The following FSTL5 variants were observed in gnomAD, a reference collection of about 807,000 sequenced individuals.
FSTL5 encodes follistatin-related protein 5.
A neutral mutation model predicts 89.1 loss-of-function variants in FSTL5; 62 were observed. That is an observed-to-expected ratio of 0.70 (90% CI 0.57 to 0.86). The LOEUF is 0.86. Ranked by LOEUF, FSTL5 falls within the 40% of genes least tolerant of loss-of-function variation. FSTL5 has a pLI of 0.00. For synonymous variants in FSTL5, 383 were observed against 346.2 expected, an observed-to-expected ratio of 1.11 and a Z score of -1.18; for missense variants, 1,057 against 1,001.6, an observed-to-expected ratio of 1.06 and a Z score of -0.75.
chr4:161,877,586 G>A (rs994068258), intron 4 of FSTL5, among the ~76,000 whole-genome samples: 3 of 151,054 alleles, frequency 2.0e-5, no homozygotes, highest in Non-Finnish European at 4.4e-5. Flanking sequence ...CAGCACTTTG[G>A]GAGGCCGAGG....
chr4:161,851,807 GT>G lies in FSTL5; in HGVS notation c.409+68596del, dbSNP rs563862158. Among the ~76,000 whole-genome samples the G allele has an allele frequency of 1.3e-3, 195 of 150,970 alleles. 1 individual carries two copies. The highest frequency in any genetic ancestry group is 4.6e-3 in the African/African-American group (189 of 41,116). On this transcript the variant is annotated intron_variant, in intron 4 of 15. Coordinates refer to ENST00000306100, the MANE Select transcript of FSTL5 (RefSeq NM_020116.5). ...TTTGGCTTCTCTTAAAGTTATGTAA[GT>G]TAAGAATAATTTCAGTTTATTCTAC...
At chr4:161,537,942 C>G (rs1731682888) in intron 10 of FSTL5, among the ~76,000 whole-genome samples, 2 of 151,850 alleles carry the variant, frequency 1.3e-5, no homozygotes, top group Admixed American at 6.6e-5. Flanking sequence ...TGTACACTTG[C>G]AAAAAAATAA....
At chr4:161,965,828 T>A (rs1450894179) in intron 3 of FSTL5, among the ~76,000 whole-genome samples, 2 of 152,052 alleles carry the variant, frequency 1.3e-5, no homozygotes, top group Non-Finnish European at 2.9e-5. Context: ...GTTTTAGAAA[T>A]TCAACCAAAT....
intron 6 of FSTL5, among the ~76,000 whole-genome samples, chr4:161,657,916 C>G (rs1299347966): frequency 1.3e-5 from 2 of 152,120 alleles, no homozygotes; most frequent in African/African-American, 4.8e-5. Context: ...ATCTCTAAAC[C>G]TAAAGTCACG....
intron 3 of FSTL5, among the ~76,000 whole-genome samples, chr4:161,967,156 T>G (rs1248532959): frequency 6.6e-6 from 1 of 152,052 alleles, no homozygotes; most frequent in East Asian, 1.9e-4. Context: ...AAAATTTTAA[T>G]TTTAGTTTAG....
intron 15 of FSTL5, among the ~76,000 whole-genome samples, chr4:161,400,250 T>C (rs1215051470): frequency 6.6e-6 from 1 of 152,050 alleles, no homozygotes; most frequent in Non-Finnish European, 1.5e-5. Context: ...GCAGTCTTTG[T>C]TCAGTGGATA....
At chr4:162,159,501 C>G in intron 1 of FSTL5, among the ~76,000 whole-genome samples, 1 of 151,886 alleles carries the variant, frequency 6.6e-6, no homozygotes, top group African/African-American at 2.4e-5. Context: ...AATTTAATAC[C>G]AAAAGCCACA....
intron 11 of FSTL5, among the ~76,000 whole-genome samples, chr4:161,509,404 T>TA (rs937121251): frequency 1.3e-5 from 2 of 152,102 alleles, no homozygotes; most frequent in African/African-American, 4.8e-5. Flanking sequence ...TGAAGTGGAA[T>TA]AAAAATAGAG....
Position 161,425,189 on chromosome 4 carries a change from C to A in FSTL5, c.1841+29815G>T, listed in dbSNP as rs72973166. On this transcript the variant is annotated intron_variant, in intron 15 of 15. Coordinates refer to ENST00000306100, the MANE Select transcript of FSTL5 (RefSeq NM_020116.5). ...ACACTGCAAATGAGCTTCAATTTTA[C>A]GAATTTTTTTAAAAAAGATTATATG... Among the ~76,000 whole-genome samples the A allele has an allele frequency of 5.7e-3, 860 of 152,206 alleles. 14 individuals are homozygous for A. Among genetic ancestry groups the A allele is most frequent in the East Asian group, 0.054 (282 of 5,176 alleles).
At chr4:162,048,184 G>A (rs890444189) in intron 2 of FSTL5, among the ~76,000 whole-genome samples, 3 of 151,686 alleles carry the variant, frequency 2.0e-5, no homozygotes, top group Non-Finnish European at 4.4e-5. Context: ...AAAATTAGCT[G>A]GGTGTGGTGG....
At chr4:161,445,776 A>G (rs1406559610) in intron 15 of FSTL5, among the ~76,000 whole-genome samples, 3 of 151,952 alleles carry the variant, frequency 2.0e-5, no homozygotes, top group African/African-American at 4.8e-5. Context: ...TAAAGGCTCA[A>G]TGTCATCCTT....
chr4:161,767,573 T>G (rs1022079560), intron 5 of FSTL5, among the ~76,000 whole-genome samples: 1 of 152,122 alleles, frequency 6.6e-6, no homozygotes, highest in Admixed American at 6.6e-5. Flanking sequence ...AGAAGATAGC[T>G]TAAGAGAAGG....
intron 1 of FSTL5, among the ~76,000 whole-genome samples, chr4:162,145,520 A>G (rs1227902826): frequency 6.6e-6 from 1 of 152,132 alleles, no homozygotes; most frequent in Non-Finnish European, 1.5e-5. Flanking sequence ...AAGTCTTTCC[A>G]TGAAGTTATT....
intron 12 of FSTL5, among the ~76,000 whole-genome samples, chr4:161,487,147 T>A (rs1452181776): frequency 1.3e-5 from 2 of 152,222 alleles, no homozygotes; most frequent in African/African-American, 2.4e-5. Flanking sequence ...AATTAAAATG[T>A]TAGCCTTTGC....
intron 3 of FSTL5, among the ~76,000 whole-genome samples, chr4:161,958,315 T>C (rs951281794): frequency 2.0e-5 from 3 of 152,130 alleles, no homozygotes; most frequent in African/African-American, 7.2e-5. Context: ...CATGTCTATG[T>C]TCATTGTAAC....
chr4:161,695,213 A>C (rs989225571), intron 6 of FSTL5, among the ~76,000 whole-genome samples: 1 of 151,892 alleles, frequency 6.6e-6, no homozygotes, highest in Admixed American at 6.6e-5. Context: ...CTCCCTTCCC[A>C]GCCTTTCCCC....
chr4:162,112,772 C>T (rs1378429549), intron 1 of FSTL5, among the ~76,000 whole-genome samples: 1 of 124,468 alleles, frequency 8.0e-6, no homozygotes, highest in South Asian at 2.8e-4. Flanking sequence ...CTAACCGACA[C>T]AATCACACAC....
intron 7 of FSTL5, among the ~76,000 whole-genome samples, chr4:161,609,904 C>A (rs1734579561): frequency 6.6e-6 from 1 of 152,048 alleles, no homozygotes; most frequent in African/African-American, 2.4e-5. Flanking sequence ...TGGTCCAGAA[C>A]TAAAACTGTC....
intron 5 of FSTL5, among the ~76,000 whole-genome samples, chr4:161,767,812 A>T (rs1299357411): frequency 6.6e-6 from 1 of 152,196 alleles, no homozygotes; most frequent in African/African-American, 2.4e-5. Flanking sequence ...AAAACAACAT[A>T]AAAGAGAGCC....
Sources: allele counts gnomAD v4.1 joint callset (sites outside exome capture counted in the v4.1 genomes callset), GRCh38; gene constraint gnomAD v4.1.1; transcripts MANE v1.5; gene names NCBI Gene and HGNC (gene_info 2026-07-23, HGNC 2026-07-21).